DVL2: variants seen among roughly 807,000 people sequenced by gnomAD.
DVL2 encodes the protein dishevelled segment polarity protein 2, also known as segment polarity protein dishevelled homolog DVL-2.
In DVL2, 38 loss-of-function variants were observed where a neutral mutation model predicts 69.8. The observed-to-expected ratio is 0.54, with a 90% CI of 0.42 to 0.71. The LOEUF (loss-of-function observed/expected upper bound fraction) is 0.71. Among genes scored for constraint, DVL2 ranks in the 30% least tolerant of loss-of-function variants. The pLI is 0.00. For missense variants in DVL2, 931 were observed against 1,008.1 expected, an observed-to-expected ratio of 0.92 and a Z score of 1.04; for synonymous variants, 428 against 392.4, an observed-to-expected ratio of 1.09 and a Z score of -1.07.
intron 1 of DVL2, among the ~76,000 whole-genome samples, chr17:7,232,574 C>T (rs560075327): frequency 6.6e-6 from 1 of 152,348 alleles, no homozygotes; most frequent in Non-Finnish European, 1.5e-5. Flanking sequence ...CCATTTCATT[C>T]TGTGATTTTC....
intron 1 of DVL2, among the ~76,000 whole-genome samples, chr17:7,233,250 C>T (rs374256574): frequency 1.3e-5 from 2 of 152,088 alleles, no homozygotes; most frequent in South Asian, 2.1e-4. Context: ...TATTCTAGCA[C>T]AGCCTACAAT....
At chr17:7,226,956 G>T in intron 13 of DVL2, 134 bp downstream of exon 13, 1 of 895,172 alleles carries the variant, frequency 1.1e-6, no homozygotes, top group East Asian at 2.5e-5. Flanking sequence ...GCCAGTGCAG[G>T]ACCTAGTGCG....
intron 12 of DVL2, 51 bp from the exon 13 acceptor site, chr17:7,227,320 G>C: frequency 6.2e-7 from 1 of 1,601,816 alleles, no homozygotes; most frequent in African/African-American, 1.3e-5. Flanking sequence ...TCCAACTCCT[G>C]CTCTCGCCTC....
At chr17:7,228,584 C>CT (rs756078129) in intron 9 of DVL2, 3,988 of 185,034 alleles carry the variant, frequency 0.022, no homozygotes, top group South Asian at 0.05. Flanking sequence ...TGTCTTAGCA[C>CT]TTTTTTTTTT....
chr17:7,230,744 C>G lies in DVL2; in HGVS notation c.248G>C (p.Gly83Ala). Residue 83 changes from glycine (G) to alanine (A), a missense_variant, in exon 2 of 15, where the codon GGA (glycine) becomes GCA (alanine). By Grantham distance (60) the Gly-to-Ala change is moderately conservative. Around this residue, in one of 3 missense-constraint regions of DVL2, gnomAD observed 555 missense variants for 588.8 expected, o/e 0.94. Transcript: ENST00000005340. ...ACCTCTTACCCAGGATACCACCCTT[C>G]CGTTGAAGCAGGGGAGGCGGGCGTT... ...DDNARLPCFN[G>A]RVVSWLVSSD... 6.2e-7 allele frequency: 1 copy of G among 1,613,332 alleles called. No homozygotes were observed. The highest frequency in any genetic ancestry group is 1.1e-5 in the South Asian group (1 of 91,026).
Position 7,225,813 on chromosome 17 carries a change from G to A in DVL2, c.*52C>T. ...GTAAGAGCAAGCACATGACGGCCAG[G>A]ACACCCAGTCACACACCAGGAGCGC... On this transcript the variant is annotated 3_prime_UTR_variant, in exon 15 of 15. Transcript: ENST00000005340. 1 of 1,498,206 alleles carries A rather than the reference G, an allele frequency of 6.7e-7. No homozygotes were observed. The highest frequency in any genetic ancestry group is 9.3e-7 in the Non-Finnish European group (1 of 1,077,984). The allele number at this position is 1,498,206 out of a possible 1,614,324, so 92.8% of individuals were successfully genotyped here.
rs780086702 is a variant in DVL2, at chr17:7,226,276, C to T, written c.1800G>A (p.Gly600=). Residue 600 remains glycine (G), a synonymous_variant, in exon 15 of 15, where the codon GGG becomes GGA. Coordinates refer to ENST00000005340, the MANE Select transcript of DVL2 (RefSeq NM_004422.3). ...CCTCGGGCCTCCCCGTGCGCCCTGC[C>T]CCCCCATCACTCCGTGTCGACCCAC... ...RSSGSTRSDG[G]AGRTGRPEER... is the part of the protein sequence containing the mutation. 6.3e-7 allele frequency: 1 copy of T among 1,594,580 alleles called. No homozygotes were observed. The highest frequency in any genetic ancestry group is 1.3e-5 in the African/African-American group (1 of 74,352).
chr17:7,231,207 T>C (rs1446754583), intron 1 of DVL2, among the ~76,000 whole-genome samples: 4 of 152,158 alleles, frequency 2.6e-5, no homozygotes, highest in Admixed American at 2.6e-4. Flanking sequence ...CTCACACCTG[T>C]AATCCCAGCA....
At chr17:7,228,922 A>G (rs771522265) in intron 9 of DVL2, 47 bp downstream of exon 9, 29 of 1,576,242 alleles carry the variant, frequency 1.8e-5, no homozygotes, top group Middle Eastern at 1.8e-4. Flanking sequence ...AACATGAAAG[A>G]GAAAAAAAAA....
chr17:7,231,722 G>A (rs906759240), intron 1 of DVL2, among the ~76,000 whole-genome samples: 7 of 151,884 alleles, frequency 4.6e-5, no homozygotes, highest in Non-Finnish European at 1.0e-4. Context: ...AATTAGCCAG[G>A]CATGGTGGTG....
rs201322198 is a variant in DVL2, at chr17:7,234,286, C to G, written c.-24G>C. On this transcript the variant is annotated 5_prime_UTR_variant, in exon 1 of 15. Transcript: ENST00000005340. ...ATGGTCTCGCCCGCGCGCTCCCGGG[C>G]TCCACCGCCCACCCAAAGGGCTAAT... is the stretch of plus-strand genomic sequence containing the variant. The G allele has an allele frequency of 5.0e-6, 8 of 1,599,380 alleles. No homozygotes were observed. The Admixed American group carries it at 1.4e-4, about 27-fold the overall frequency.
At chr17:7,228,928 A>C (rs549709890) in intron 9 of DVL2, 41 bp downstream of exon 9, 2 of 1,597,988 alleles carry the variant, frequency 1.3e-6, no homozygotes, top group Non-Finnish European at 1.7e-6. Flanking sequence ...AAAGAGAAAA[A>C]AAAAGAGGAC....
At position 7,234,433 on chromosome 17, in the gene DVL2, G is replaced by A. The variant is rs951852352; in HGVS notation, c.-171C>T. 21 of 776,828 alleles carry A rather than the reference G, an allele frequency of 2.7e-5. No homozygotes were observed. The African/African-American group carries it at 3.3e-4, about 12-fold the overall frequency. The allele number at this position is 776,828 out of a possible 1,614,324, so 48.1% of individuals were successfully genotyped here. A position where few individuals can be genotyped will look rare whatever the true frequency, so the allele number is the denominator to read the frequency against. On this transcript the variant is annotated 5_prime_UTR_variant, in exon 1 of 15. Coordinates refer to ENST00000005340, the MANE Select transcript of DVL2 (RefSeq NM_004422.3). ...TCTGCGAGGGTGGCGGCGGGGGGCG[G>A]GCCGCGGGGTGCGACTCAAAGCCCC... is the stretch of plus-strand genomic sequence containing the variant.
At position 7,226,139 on chromosome 17, in the gene DVL2, G is replaced by C. The variant is rs1407174859; in HGVS notation, c.1937C>G (p.Pro646Arg). 5.0e-6 allele frequency: 8 copies of C among 1,606,416 alleles called. No homozygotes were observed. Among genetic ancestry groups the C allele is most frequent in the Non-Finnish European group, 6.8e-6 (8 of 1,176,270 alleles). ...ACCCCCAGTTGAGCCTCTGGATGGA[G>C]GAGGGCCCCCATCGCTAGTCCCACT... is the stretch of plus-strand genomic sequence containing the variant. ...EASGTSDGGP[P>R]PSRGSTGGAP... The change falls in exon 15 of 15, where the codon CCT becomes CGT. Residue 646 changes from proline to arginine, a missense_variant. This residue lies in a region of DVL2 where 314 missense variants were observed against 313.7 expected (regional missense o/e 1.00). Coordinates refer to ENST00000005340, the MANE Select transcript of DVL2 (RefSeq NM_004422.3).
rs971654118 is a variant in DVL2, at chr17:7,234,508, C to T, written c.-246G>A. The T allele has an allele frequency of 3.8e-6, 2 of 530,142 alleles. No homozygotes were observed. Among genetic ancestry groups the T allele is most frequent in the South Asian group, 2.5e-5 (1 of 40,720 alleles). 32.8% of individuals were successfully genotyped at this position (530,142 alleles called of 1,614,324 possible). A position where few individuals can be genotyped will look rare whatever the true frequency, so the allele number is the denominator to read the frequency against. ...CCGCCACCGACGCCGCGAGCTTCCTCCAGGTACCCGCCCACCTCTCCTCAT... is the reference window on the plus strand; with the variant it reads ...CCGCCACCGACGCCGCGAGCTTCCTTCAGGTACCCGCCCACCTCTCCTCAT... On this transcript the variant is annotated 5_prime_UTR_variant, in exon 1 of 15. Coordinates refer to ENST00000005340, the MANE Select transcript of DVL2 (RefSeq NM_004422.3).
At position 7,226,274 on chromosome 17, in the gene DVL2, G is replaced by GC. The variant is rs745455027; in HGVS notation, c.1801dup (p.Ala601GlyfsTer21). The stretch of plus-strand genomic sequence containing the variant: ...CTCCTCGGGCCTCCCCGTGCGCCCT[G>GC]CCCCCCCATCACTCCGTGTCGACCC... On this transcript the variant is annotated frameshift_variant, in exon 15 of 15. Coordinates refer to ENST00000005340, the MANE Select transcript of DVL2 (RefSeq NM_004422.3). LOFTEE classifies it high-confidence loss of function. The GC allele has an allele frequency of 3.1e-6, 5 of 1,596,320 alleles. No homozygotes were observed. Among genetic ancestry groups the GC allele is most frequent in the Non-Finnish European group, 2.6e-6 (3 of 1,172,856 alleles).
chr17:7,232,117 C>T (rs1203793255), intron 1 of DVL2, among the ~76,000 whole-genome samples: 1 of 152,178 alleles, frequency 6.6e-6, no homozygotes, highest in Non-Finnish European at 1.5e-5. Flanking sequence ...AAACCATGAA[C>T]ACTTACTCTG....
Position 7,227,715 on chromosome 17 carries a change from G to A in DVL2, c.1171C>T (p.Pro391Ser). 2 of 1,611,788 alleles carry A rather than the reference G, an allele frequency of 1.2e-6. No individual in the cohort carries two copies. Among genetic ancestry groups the A allele is most frequent in the Non-Finnish European group, 1.7e-6 (2 of 1,178,898 alleles). ...ATGGAGGAGGAACCTGGATAGGCTG[G>A]GAAGGTGCCAGTCAGAGCCGCGGAA... ...SHSAALTGTF[P>S]AYPGSSSMST... Residue 391 changes from proline to serine, a missense_variant, in exon 11 of 15, where the codon CCA becomes TCA. Coordinates refer to ENST00000005340, the MANE Select transcript of DVL2 (RefSeq NM_004422.3).
chr17:7,233,945 G>A (rs746819419), intron 1 of DVL2, 124 bp downstream of exon 1: 12 of 1,042,682 alleles, frequency 1.2e-5, no homozygotes, highest in Non-Finnish European at 1.6e-5. Context: ...CCTCAGCATA[G>A]TACAATCTGC....
Sources: gnomAD v4.1 joint callset for allele counts (sites outside exome capture counted in the v4.1 genomes callset) on GRCh38, gnomAD v4.1.1 for gene constraint, gnomAD v4.1.1 regional missense constraint, MANE v1.5 for transcripts, NCBI Gene and HGNC (gene_info 2026-07-23, HGNC 2026-07-21) for gene names.